Variants in TNS3 observed in about 807,000 individuals in gnomAD.
TNS3 encodes the protein tensin-3.
In TNS3, 45 loss-of-function variants were observed where a neutral mutation model predicts 140.9. The ratio of observed to expected loss-of-function variants is 0.32; its 90% CI spans 0.25 to 0.41. The LOEUF is 0.41. Among genes scored for constraint, TNS3 ranks in the 10% least tolerant of loss-of-function variants. TNS3 has a pLI of 1.00. For synonymous variants in TNS3, 815 were observed against 788.4 expected, an observed-to-expected ratio of 1.03 and a Z score of -0.56; for missense variants, 1,716 against 1,906.7, an observed-to-expected ratio of 0.90 and a Z score of 1.86.
chr7:47,543,913 T>G (rs1799857078), intron 1 of TNS3, among the ~76,000 whole-genome samples: 2 of 152,148 alleles, frequency 1.3e-5, no homozygotes, highest in Non-Finnish European at 2.9e-5. Flanking sequence ...TTGCATGGTG[T>G]TTTTGCCCGC....
intron 13 of TNS3, among the ~76,000 whole-genome samples, chr7:47,409,945 C>G (rs530225475): frequency 6.6e-6 from 1 of 152,360 alleles, no homozygotes; most frequent in East Asian, 1.9e-4. Context: ...GCGTGAGCCA[C>G]TGCGCCCAGC....
intron 23 of TNS3, among the ~76,000 whole-genome samples, chr7:47,298,711 T>C (rs1274873676): frequency 6.6e-6 from 1 of 152,196 alleles, no homozygotes; most frequent in East Asian, 1.9e-4. Flanking sequence ...CACGGCGCAC[T>C]CCCACAGAGG....
chr7:47,288,949 T>G (rs1041664050), intron 27 of TNS3, among the ~76,000 whole-genome samples: 1 of 152,210 alleles, frequency 6.6e-6, no homozygotes, highest in Non-Finnish European at 1.5e-5. Context: ...CAGCTACATT[T>G]TTCATTTTGG....
At chr7:47,536,285 G>A (rs1799593775) in intron 1 of TNS3, among the ~76,000 whole-genome samples, 1 of 151,738 alleles carries the variant, frequency 6.6e-6, no homozygotes, top group Non-Finnish European at 1.5e-5. Flanking sequence ...TTAGGGAAAG[G>A]GAGGCTGAAC....
At chr7:47,573,652 G>GA (rs1203071758) in intron 1 of TNS3, among the ~76,000 whole-genome samples, 1 of 152,022 alleles carries the variant, frequency 6.6e-6, no homozygotes, top group East Asian at 1.9e-4. Flanking sequence ...CATCCTCTTG[G>GA]AAAGAAACAC....
At chr7:47,468,500 C>T (rs931828473) in intron 4 of TNS3, among the ~76,000 whole-genome samples, 1 of 152,106 alleles carries the variant, frequency 6.6e-6, no homozygotes, top group South Asian at 2.1e-4. Context: ...GTAGTTACTG[C>T]TATTTCCCGA....
intron 1 of TNS3, among the ~76,000 whole-genome samples, chr7:47,534,270 A>C (rs928174202): frequency 6.6e-6 from 1 of 151,928 alleles, no homozygotes; most frequent in African/African-American, 2.4e-5. Context: ...GTGAGACTCC[A>C]TCTCAAAAAA....
At chr7:47,317,210 A>G (rs1787463246) in intron 20 of TNS3, among the ~76,000 whole-genome samples, 1 of 152,226 alleles carries the variant, frequency 6.6e-6, no homozygotes, top group Admixed American at 6.5e-5. Context: ...TGAAGCCAGA[A>G]TTGCTCCAGC....
chr7:47,446,269 G>A (rs1028004375), intron 4 of TNS3, among the ~76,000 whole-genome samples: 16 of 151,928 alleles, frequency 1.1e-4, no homozygotes, highest in Admixed American at 6.6e-5. Flanking sequence ...CTGCTACCAT[G>A]CCCAGCTAAT....
At chr7:47,499,688 G>T (rs1486329079) in intron 3 of TNS3, among the ~76,000 whole-genome samples, 1 of 152,220 alleles carries the variant, frequency 6.6e-6, no homozygotes, top group Non-Finnish European at 1.5e-5. Flanking sequence ...ACAGTGAAAA[G>T]GTCAGCGGCT....
At position 47,360,119 on chromosome 7, in the gene TNS3, G is replaced by A. The variant is rs73326513; in HGVS notation, c.2281+8246C>T. Reference sequence around the variant, plus strand: ...CAATAAAAAGAAAGTAATTGCAATGGCAGTTTCCCCAAGCAGACTGGAGTT... The same window carrying A: ...CAATAAAAAGAAAGTAATTGCAATGACAGTTTCCCCAAGCAGACTGGAGTT... On this transcript the variant is annotated intron_variant, in intron 17 of 30. Transcript: ENST00000311160. Among the ~76,000 whole-genome samples, 670 of 152,304 alleles carry A rather than the reference G, an allele frequency of 4.4e-3. 4 individuals carry two copies. Among genetic ancestry groups the A allele is most frequent in the African/African-American group, 0.015 (643 of 41,560 alleles).
intron 4 of TNS3, among the ~76,000 whole-genome samples, chr7:47,477,303 G>T (rs1258883429): frequency 2.0e-5 from 3 of 152,198 alleles, no homozygotes; most frequent in South Asian, 2.1e-4. Context: ...ATGCTGGGAT[G>T]AAGCTATTCT....
chr7:47,481,347 T>G, intron 3 of TNS3: 1 of 361,262 alleles, frequency 2.8e-6, no homozygotes, highest in Non-Finnish European at 5.1e-6. Context: ...TCATTTTTGC[T>G]AATGTCATGG....
intron 2 of TNS3, among the ~76,000 whole-genome samples, chr7:47,514,943 C>T (rs980262306): frequency 6.6e-6 from 1 of 152,140 alleles, no homozygotes; most frequent in African/African-American, 2.4e-5. Flanking sequence ...GTTAGGCCAC[C>T]CAAGGGAACT....
chr7:47,299,126 T>G (rs1211128250), intron 23 of TNS3, among the ~76,000 whole-genome samples: 4 of 152,184 alleles, frequency 2.6e-5, no homozygotes, highest in African/African-American at 9.7e-5. Context: ...TGAATGACAT[T>G]TTTTCAGTTT....
rs555041751 is a variant in TNS3, at chr7:47,495,377, C to T, written c.-115+11530G>A. On this transcript the variant is annotated intron_variant, in intron 3 of 30. Coordinates refer to ENST00000311160, the MANE Select transcript of TNS3 (RefSeq NM_022748.12). ...GGGGGCTGAGACTCATGGACACACA[C>T]GCTGACAACATGAGAGGGCAGCGTC... Among the ~76,000 whole-genome samples the T allele has an allele frequency of 4.6e-5, 7 of 152,264 alleles. No homozygotes were observed. In the East Asian group the frequency reaches 9.7e-4, roughly 21 times the overall value.
At chr7:47,515,355 A>G (rs1009910370) in intron 2 of TNS3, among the ~76,000 whole-genome samples, 2 of 152,170 alleles carry the variant, frequency 1.3e-5, no homozygotes, top group Non-Finnish European at 2.9e-5. Flanking sequence ...GATCAGCATC[A>G]TCATCACAAT....
chr7:47,411,328 T>C (rs762747698), intron 13 of TNS3, among the ~76,000 whole-genome samples: 1 of 152,254 alleles, frequency 6.6e-6, no homozygotes, highest in Non-Finnish European at 1.5e-5. Context: ...TCACAGAAGA[T>C]GATTTTTCCA....
At chr7:47,582,273 G>A, upstream of TNS3, 1 of 352,470 alleles carries the variant, frequency 2.8e-6, no homozygotes, top group Non-Finnish European at 5.6e-6. Context: ...GCCTCCAGGC[G>A]CCCTTCACCG....
Sources: allele counts gnomAD v4.1 joint callset (sites outside exome capture counted in the v4.1 genomes callset), GRCh38; gene constraint gnomAD v4.1.1; transcripts MANE v1.5; gene names NCBI Gene and HGNC (gene_info 2026-07-23, HGNC 2026-07-21).